FMO5: variants seen among roughly 807,000 people sequenced by gnomAD.
FMO5 encodes the protein flavin-containing monooxygenase 5.
FMO5 carries 51 observed loss-of-function variants against 43.6 expected under a neutral mutation model. That is an observed-to-expected ratio of 1.17 (90% confidence interval 0.93 to 1.48). FMO5 has a LOEUF of 1.48. Among genes scored for constraint, FMO5 ranks in the 40% most tolerant of loss-of-function variants. The pLI, the probability that FMO5 is intolerant of heterozygous loss-of-function variation, is 0.00. For missense variants in FMO5, 644 were observed against 643.0 expected (o/e 1.00, Z -0.02); for synonymous variants, 187 against 216.5 (o/e 0.86, Z 1.20).
chr1:147,213,879 T>C (rs1661492945), intron 3 of FMO5, among the ~76,000 whole-genome samples: 1 of 152,164 alleles, frequency 6.6e-6, no homozygotes, highest in Non-Finnish European at 1.5e-5. Context: ...GGTTCTCTTC[T>C]CCTGGCTACC....
At chr1:147,185,088 C>G (rs1177309826), downstream of FMO5, among the ~76,000 whole-genome samples, 1 of 152,044 alleles carries the variant, frequency 6.6e-6, no homozygotes, top group African/African-American at 2.4e-5. Flanking sequence ...TTATCAGTAA[C>G]AAGAGCTTTG....
intron 6 of FMO5, chr1:147,203,880 G>A (rs1659493070): frequency 1.3e-6 from 2 of 1,578,290 alleles, no homozygotes; most frequent in African/African-American, 1.3e-5. Flanking sequence ...ACTTCTGAGA[G>A]GTAAACACTG....
At position 147,190,224 on chromosome 1, in the gene FMO5, A is replaced by G. The variant is rs1553918165; in HGVS notation, c.1209T>C (p.Ser403=). The change falls in exon 8 of 9, where the codon AGT becomes AGC. Residue 403 remains serine, a synonymous_variant. Transcript: ENST00000254090. The stretch of plus-strand genomic sequence containing the variant: ...CTTTAGATATTTCTGCCATCATTTC[A>G]CTCTGTGAGGGCAATGTCTTTAGAC... ...FKGLKTLPSQ[S]EMMAEISKAQ... 1 of 1,611,112 alleles carries G rather than the reference A, an allele frequency of 6.2e-7. No individual in the cohort carries two copies. The highest frequency in any genetic ancestry group is 8.5e-7 in the Non-Finnish European group (1 of 1,178,002).
In FMO5 at chr1:147,192,475, C is replaced by T. The variant is rs587644166; in HGVS notation, c.1184-2226G>A. Among the ~76,000 whole-genome samples the T allele has an allele frequency of 1.4e-4, 21 of 152,224 alleles. No individual in the cohort carries two copies. The East Asian group carries it at 4.0e-3, about 29-fold the overall frequency. ...TCTGCAAACAGGGACAATTTGACTT[C>T]CTCTTTTCCTAATCGAATACCCTTT... On this transcript the variant is annotated intron_variant, in intron 7 of 8. Coordinates refer to ENST00000254090, the MANE Select transcript of FMO5 (RefSeq NM_001461.4).
upstream of FMO5, among the ~76,000 whole-genome samples, chr1:147,226,634 G>A (rs113052531): frequency 1.3e-5 from 2 of 152,216 alleles, no homozygotes; most frequent in East Asian, 1.9e-4. Context: ...GTTGTAAGAG[G>A]CATGGATTGT....
rs1225034359 is a variant in FMO5, at chr1:147,186,767, G to A, written c.*133C>T. 2 of 1,460,670 alleles carry A rather than the reference G, an allele frequency of 1.4e-6. No homozygotes were observed. Among genetic ancestry groups the A allele is most frequent in the Non-Finnish European group, 1.8e-6 (2 of 1,113,018 alleles). The allele number at this position is 1,460,670 out of a possible 1,614,324, so 90.5% of individuals were successfully genotyped here. ...GTTTCATTGTAGGAAAAAGGAAAGT[G>A]AATTAATGCTTTCGAAAGAGACATT... On this transcript the variant is annotated 3_prime_UTR_variant, in exon 9 of 9. Coordinates refer to ENST00000254090, the MANE Select transcript of FMO5 (RefSeq NM_001461.4).
chr1:147,225,079 T>C lies in FMO5; in HGVS notation c.-37-13A>G. Reference sequence around the variant, plus strand: ...AGTGTCGCCTGTCCTAAAGAAAGGATGACAAAAGACAAAAAGCACACATCG... The same window carrying C: ...AGTGTCGCCTGTCCTAAAGAAAGGACGACAAAAGACAAAAAGCACACATCG... On this transcript the variant is annotated splice_polypyrimidine_tract_variant and intron_variant, in intron 1 of 8. Coordinates refer to ENST00000254090, the MANE Select transcript of FMO5 (RefSeq NM_001461.4). 1 of 1,612,458 alleles carries C rather than the reference T, an allele frequency of 6.2e-7. No individual in the cohort carries two copies. The highest frequency in any genetic ancestry group is 8.5e-7 in the Non-Finnish European group (1 of 1,179,328).
chr1:147,200,723 A>C (rs56017341), intron 7 of FMO5, among the ~76,000 whole-genome samples: 5,615 of 152,296 alleles, frequency 0.037, 148 homozygotes, highest in South Asian at 0.095. Context: ...CGGCCGAAAT[A>C]AAGTCATACT....
At chr1:147,198,506 G>A (rs1358833061) in intron 7 of FMO5, among the ~76,000 whole-genome samples, 1 of 152,064 alleles carries the variant, frequency 6.6e-6, no homozygotes, top group Non-Finnish European at 1.5e-5. Context: ...TAGTGGGTAC[G>A]TCATCCAGTG....
upstream of FMO5, chr1:147,225,342 C>T: frequency 2.9e-6 from 1 of 345,602 alleles, no homozygotes; most frequent in Non-Finnish European, 5.2e-6. Flanking sequence ...GGAGACTCAA[C>T]AGGCGGCTGT....
chr1:147,185,960 T>C (rs1655580806), downstream of FMO5, among the ~76,000 whole-genome samples: 1 of 152,200 alleles, frequency 6.6e-6, no homozygotes, highest in Non-Finnish European at 1.5e-5. Flanking sequence ...TTAATATCAG[T>C]TCTAATTTAA....
At position 147,224,965 on chromosome 1, in the gene FMO5, C is replaced by A; in HGVS notation, c.65G>T (p.Cys22Phe). Residue 22 changes from cysteine (C) to phenylalanine (F), a missense_variant, in exon 2 of 9, where the codon TGC becomes TTC. Transcript: ENST00000254090. Reference sequence around the variant, plus strand: ...GACAGGTTCCAAGCCTTCTTCTACGCAGCACTTGATGGAAGAGAGCCCGCT... The same window carrying A: ...GACAGGTTCCAAGCCTTCTTCTACGAAGCACTTGATGGAAGAGAGCCCGCT... ...GVSGLSSIKCCVEEGLEPVCF... is the reference protein window; with the variant it reads ...GVSGLSSIKCFVEEGLEPVCF... 6.2e-7 allele frequency: 1 copy of A among 1,614,078 alleles called. No individual in the cohort carries two copies. Among genetic ancestry groups the A allele is most frequent in the African/African-American group, 1.3e-5 (1 of 74,992 alleles).
intron 8 of FMO5, among the ~76,000 whole-genome samples, chr1:147,187,829 T>C (rs1254122207): frequency 6.6e-6 from 1 of 152,182 alleles, no homozygotes; most frequent in Non-Finnish European, 1.5e-5. Flanking sequence ...AAGGGCTTTT[T>C]AAAGGGGAAA....
chr1:147,186,532 C>A lies in FMO5; in HGVS notation c.*368G>T. On this transcript the variant is annotated 3_prime_UTR_variant, in exon 9 of 9. Coordinates refer to ENST00000254090, the MANE Select transcript of FMO5 (RefSeq NM_001461.4). ...CAGAAGAAGAGTTACGTGGAGTAAG[C>A]GATTTTATACCGATGCTGACTTACT... The A allele has an allele frequency of 2.0e-6, 2 of 999,848 alleles. No homozygotes were observed. Among genetic ancestry groups the A allele is most frequent in the South Asian group, 4.6e-5 (1 of 21,624 alleles). The allele number at this position is 999,848 out of a possible 1,614,324, so 61.9% of individuals were successfully genotyped here.
intron 5 of FMO5, chr1:147,210,745 T>C (rs868994503): frequency 2.6e-5 from 4 of 152,202 alleles, no homozygotes; most frequent in Non-Finnish European, 4.4e-5. Context: ...AGGTGTGGTA[T>C]ATAGTAAACA....
At chr1:147,208,785 C>A in intron 6 of FMO5, 67 bp downstream of exon 6, 1 of 1,336,956 alleles carries the variant, frequency 7.5e-7, no homozygotes, top group South Asian at 1.2e-5. Context: ...TTACTATTAG[C>A]CAGTGTGAAG....
chr1:147,211,872 A>G (rs1553923789), intron 5 of FMO5, among the ~76,000 whole-genome samples: 1 of 152,222 alleles, frequency 6.6e-6, no homozygotes, highest in African/African-American at 2.4e-5. Context: ...TGGACGCTAT[A>G]CGGATACCCA....
chr1:147,224,006 A>T (rs1298606220), intron 2 of FMO5: 2 of 417,646 alleles, frequency 4.8e-6, no homozygotes, highest in Non-Finnish European at 9.5e-6. Context: ...GAACAAGAAG[A>T]CTCAGCTGGT....
chr1:147,190,291 G>A, intron 7 of FMO5, 42 bp from the exon 8 acceptor site: 1 of 1,198,370 alleles, frequency 8.3e-7, no homozygotes, highest in Non-Finnish European at 1.2e-6. Context: ...AATTACCTCA[G>A]AAGGAACAAT....
Sources: allele counts gnomAD v4.1 joint callset (sites outside exome capture counted in the v4.1 genomes callset), GRCh38; gene constraint gnomAD v4.1.1; transcripts MANE v1.5; gene names NCBI Gene and HGNC (gene_info 2026-07-23, HGNC 2026-07-21).